Variants in HNF4G observed in about 807,000 individuals in gnomAD.
The protein encoded by HNF4G is hepatocyte nuclear factor 4-gamma.
A neutral mutation model predicts 50.9 loss-of-function variants in HNF4G; 21 were observed. The ratio of observed to expected loss-of-function variants is 0.41; its 90% CI spans 0.29 to 0.59. HNF4G has a LOEUF of 0.59. Ranked by LOEUF, HNF4G falls within the 20% of genes least tolerant of loss-of-function variation. HNF4G has a pLI of 0.26. For synonymous variants in HNF4G, 198 were observed against 185.6 expected (o/e 1.07, Z -0.54); for missense variants, 527 against 559.4 (o/e 0.94, Z 0.58).
At chr8:75,446,912 A>G (rs1811432105) in intron 1 of HNF4G, among the ~76,000 whole-genome samples, 1 of 125,262 alleles carries the variant, frequency 8.0e-6, no homozygotes, top group Non-Finnish European at 1.7e-5. Context: ...GACTTTCTTC[A>G]CAGAATTGGA....
intron 1 of HNF4G, among the ~76,000 whole-genome samples, chr8:75,432,532 C>T (rs961376779): frequency 2.0e-5 from 3 of 152,102 alleles, no homozygotes; most frequent in Non-Finnish European, 4.4e-5. Flanking sequence ...AACTGCTGAT[C>T]TCAGGTGATC....
chr8:75,564,189 A>T lies in HNF4G; in HGVS notation c.*93A>T, dbSNP rs1225849672. ...TAGCACTTTTGGCAAACTCTTAGCCAAGGCTTCTTCATTGGTGCTGTTATA... is the reference window on the plus strand; with the variant it reads ...TAGCACTTTTGGCAAACTCTTAGCCTAGGCTTCTTCATTGGTGCTGTTATA... On this transcript the variant is annotated 3_prime_UTR_variant, in exon 10 of 10. Transcript: ENST00000396423. The T allele has an allele frequency of 6.8e-6, 9 of 1,322,610 alleles. No homozygotes were observed. Among genetic ancestry groups the T allele is most frequent in the Admixed American group, 3.8e-5 (2 of 52,662 alleles). The allele number at this position is 1,322,610 out of a possible 1,614,324, so 81.9% of individuals were successfully genotyped here.
At chr8:75,417,249 C>T (rs1298671246) in intron 1 of HNF4G, among the ~76,000 whole-genome samples, 1 of 152,334 alleles carries the variant, frequency 6.6e-6, no homozygotes, top group East Asian at 1.9e-4. Context: ...TAGCCTCAAA[C>T]TCCTGGCGAC....
Position 75,474,496 on chromosome 8 carries a change from C to A in HNF4G, c.-143-15593C>A, listed in dbSNP as rs529894003. ...GTATGAAGGTTTTAGATTTCATGTC[C>A]TTAAAACTACTTAAAATAAGTTCAA... On this transcript the variant is annotated intron_variant, in intron 1 of 10. Transcript: ENST00000354370. Among the ~76,000 whole-genome samples the A allele has an allele frequency of 3.9e-5, 6 of 152,044 alleles. No individual in the cohort carries two copies. The South Asian group carries it at 1.2e-3, about 32-fold the overall frequency.
At chr8:75,515,760 G>C (rs1805870836) in intron 2 of HNF4G, among the ~76,000 whole-genome samples, 1 of 151,914 alleles carries the variant, frequency 6.6e-6, no homozygotes, top group Non-Finnish European at 1.5e-5. Flanking sequence ...ACATTCATGG[G>C]GGCCACCATG....
In HNF4G at chr8:75,564,919, G is replaced by A. The variant is rs1807418403; in HGVS notation, c.*823G>A. On this transcript the variant is annotated 3_prime_UTR_variant, in exon 10 of 10. Transcript: ENST00000396423. ...CCACAGCTGGCTCCCACGGTAGCCA[G>A]GAGAATTATCTATAGGTGGAAAGTC... 1.3e-5 allele frequency: 2 copies of A among 152,150 alleles called. No individual in the cohort carries two copies. The highest frequency in any genetic ancestry group is 4.8e-5 in the African/African-American group (2 of 41,428). The allele number at this position is 152,150 out of a possible 1,614,324, so 9.4% of individuals were successfully genotyped here.
At chr8:75,443,735 G>C (rs1811348356) in intron 1 of HNF4G, among the ~76,000 whole-genome samples, 2 of 152,018 alleles carry the variant, frequency 1.3e-5, no homozygotes, top group Admixed American at 1.3e-4. Context: ...TATCTATATT[G>C]TGTACATTCT....
chr8:75,564,273 A>C lies in HNF4G; in HGVS notation c.*177A>C, dbSNP rs1807400862. On this transcript the variant is annotated 3_prime_UTR_variant, in exon 10 of 10. Transcript: ENST00000396423. ...TTCTGTTTGTTATTGCTACTATGTAAAACTTTCACATGCAACCAATGTATA... is the reference window on the plus strand; with the variant it reads ...TTCTGTTTGTTATTGCTACTATGTACAACTTTCACATGCAACCAATGTATA... 2 of 593,112 alleles carry C rather than the reference A, an allele frequency of 3.4e-6. No individual in the cohort carries two copies. Among genetic ancestry groups the C allele is most frequent in the Non-Finnish European group, 5.7e-6 (2 of 349,300 alleles). 36.7% of individuals were successfully genotyped at this position (593,112 alleles called of 1,614,324 possible).
intron 2 of HNF4G, among the ~76,000 whole-genome samples, chr8:75,514,579 C>A (rs12682220): frequency 0.24 from 36,891 of 151,616 alleles, 4,764 homozygotes; most frequent in South Asian, 0.31. Context: ...TCTCGAACTC[C>A]TGACCTTGGG....
intron 1 of HNF4G, among the ~76,000 whole-genome samples, chr8:75,426,736 G>C (rs1810898232): frequency 6.6e-6 from 1 of 151,580 alleles, no homozygotes; most frequent in Non-Finnish European, 1.5e-5. Context: ...TTATTTATTG[G>C]AGGATAAAAG....
intron 1 of HNF4G, among the ~76,000 whole-genome samples, chr8:75,423,583 G>A (rs1177263139): frequency 6.6e-6 from 1 of 151,392 alleles, no homozygotes; most frequent in African/African-American, 2.4e-5. Context: ...GTAGAGACGG[G>A]GTTTCACCTT....
intron 4 of HNF4G, among the ~76,000 whole-genome samples, chr8:75,552,556 T>C (rs1806989604): frequency 6.6e-6 from 1 of 152,146 alleles, no homozygotes. Flanking sequence ...TTCCTTTTAA[T>C]GCAGCGAGAC....
intron 1 of HNF4G, among the ~76,000 whole-genome samples, chr8:75,410,052 T>G (rs1331435969): frequency 6.6e-6 from 1 of 152,222 alleles, no homozygotes. Flanking sequence ...TTTCAAATAC[T>G]TATCTGTCAA....
chr8:75,476,686 T>A (rs1201645781), intron 1 of HNF4G, among the ~76,000 whole-genome samples: 1 of 152,228 alleles, frequency 6.6e-6, no homozygotes, highest in Non-Finnish European at 1.5e-5. Flanking sequence ...ATGCTAGAAA[T>A]TCCTGTCTGT....
At chr8:75,523,197 C>T (rs534829869) in intron 2 of HNF4G, among the ~76,000 whole-genome samples, 1 of 151,908 alleles carries the variant, frequency 6.6e-6, no homozygotes, top group Admixed American at 6.6e-5. Flanking sequence ...TGCACTCCAG[C>T]CTGGCAACAG....
At chr8:75,538,459 C>T (rs1393883536), upstream of HNF4G, among the ~76,000 whole-genome samples, 1 of 152,126 alleles carries the variant, frequency 6.6e-6, no homozygotes, top group African/African-American at 2.4e-5. Context: ...GGGACACTCC[C>T]GTCAGTGACA....
chr8:75,559,427 C>T (rs1408481981), intron 8 of HNF4G, among the ~76,000 whole-genome samples: 1 of 152,128 alleles, frequency 6.6e-6, no homozygotes, highest in Non-Finnish European at 1.5e-5. Context: ...GCACACACCA[C>T]CACGCCTGGC....
chr8:75,517,646 C>T (rs899963847), intron 2 of HNF4G, among the ~76,000 whole-genome samples: 23 of 152,172 alleles, frequency 1.5e-4, no homozygotes, highest in Non-Finnish European at 3.4e-4. Context: ...GTGGGTTTCC[C>T]ATGGCCTTGG....
intron 1 of HNF4G, among the ~76,000 whole-genome samples, chr8:75,460,902 T>C (rs1044229644): frequency 1.3e-5 from 2 of 152,196 alleles, no homozygotes; most frequent in African/African-American, 4.8e-5. Flanking sequence ...TTCACCACTT[T>C]TTCTTACAAA....
Sources: allele counts gnomAD v4.1 joint callset (sites outside exome capture counted in the v4.1 genomes callset), GRCh38; gene constraint gnomAD v4.1.1; transcripts MANE v1.5; gene names NCBI Gene and HGNC (gene_info 2026-07-23, HGNC 2026-07-21).